The following CHCHD3 variants were observed in gnomAD, a reference collection of about 807,000 sequenced individuals.
CHCHD3 encodes MICOS complex subunit MIC19.
A neutral mutation model predicts 38.2 loss-of-function variants in CHCHD3; 20 were observed. That is an observed-to-expected ratio of 0.52 (90% CI 0.37 to 0.76). CHCHD3 has a LOEUF of 0.76. Ranked by LOEUF, CHCHD3 falls within the 30% of genes least tolerant of loss-of-function variation. CHCHD3 has a pLI of 0.00. For synonymous variants in CHCHD3, 82 were observed against 100.0 expected, an observed-to-expected ratio of 0.82 and a Z score of 1.07; for missense variants, 245 against 279.2, an observed-to-expected ratio of 0.88 and a Z score of 0.87.
chr7:132,909,862 A>G (rs1215380224), intron 4 of CHCHD3, among the ~76,000 whole-genome samples: 2 of 152,224 alleles, frequency 1.3e-5, no homozygotes, highest in African/African-American at 2.4e-5. Flanking sequence ...CAATTCATTC[A>G]GCAATGGTTA....
intron 4 of CHCHD3, among the ~76,000 whole-genome samples, chr7:132,965,453 G>GAA (rs112505425): frequency 1.5e-3 from 205 of 135,292 alleles, no homozygotes; most frequent in Middle Eastern, 7.4e-3. Flanking sequence ...TTAGTTAAAT[G>GAA]AAAAAAAAAA....
chr7:132,896,203 G>T (rs146347256), intron 4 of CHCHD3, among the ~76,000 whole-genome samples: 19 of 152,230 alleles, frequency 1.2e-4, no homozygotes, highest in African/African-American at 4.3e-4. Flanking sequence ...ATGTACAAAA[G>T]CTCGTTCTTT....
At chr7:132,983,963 G>T (rs1268147037) in intron 3 of CHCHD3, among the ~76,000 whole-genome samples, 1 of 101,138 alleles carries the variant, frequency 9.9e-6, no homozygotes, top group Non-Finnish European at 2.0e-5. Flanking sequence ...TCTCGGAAAG[G>T]CTCCTCCTCT....
chr7:132,831,910 T>C (rs1202645819), intron 6 of CHCHD3, among the ~76,000 whole-genome samples: 1 of 152,190 alleles, frequency 6.6e-6, no homozygotes, highest in African/African-American at 2.4e-5. Flanking sequence ...CTGTCCATGA[T>C]ACACATGTGT....
At chr7:133,039,820 G>A (rs1227036148) in intron 2 of CHCHD3, among the ~76,000 whole-genome samples, 1 of 152,180 alleles carries the variant, frequency 6.6e-6, no homozygotes, top group Non-Finnish European at 1.5e-5. Flanking sequence ...CTTGCAGTTA[G>A]GAATAGCCTA....
At chr7:133,074,376 A>G (rs1431979644) in intron 1 of CHCHD3, among the ~76,000 whole-genome samples, 2 of 152,218 alleles carry the variant, frequency 1.3e-5, no homozygotes, top group African/African-American at 4.8e-5. Context: ...CCCTTCTTGG[A>G]AGACAAGAAG....
intron 5 of CHCHD3, among the ~76,000 whole-genome samples, chr7:132,853,934 T>C (rs763492732): frequency 3.3e-5 from 5 of 152,174 alleles, no homozygotes; most frequent in African/African-American, 1.2e-4. Flanking sequence ...TCCTTGATAG[T>C]AGCATTTGAA....
At chr7:132,863,657 G>A (rs1414903713) in intron 5 of CHCHD3, among the ~76,000 whole-genome samples, 2 of 152,214 alleles carry the variant, frequency 1.3e-5, no homozygotes, top group Non-Finnish European at 2.9e-5. Flanking sequence ...TCTTCCGATA[G>A]AAGGCTGTTT....
chr7:132,995,298 A>T (rs1014700901), intron 3 of CHCHD3, among the ~76,000 whole-genome samples: 1 of 152,190 alleles, frequency 6.6e-6, no homozygotes, highest in African/African-American at 2.4e-5. Flanking sequence ...GAGTCTAGGA[A>T]TAAGTAAACA....
chr7:132,955,554 T>A (rs182513025), intron 4 of CHCHD3, among the ~76,000 whole-genome samples: 57 of 151,918 alleles, frequency 3.8e-4, no homozygotes, highest in Admixed American at 2.6e-3. Flanking sequence ...TTTTTTTTTT[T>A]AATGTGATTA....
chr7:133,008,856 T>C (rs1343743505), intron 3 of CHCHD3, among the ~76,000 whole-genome samples: 2 of 151,996 alleles, frequency 1.3e-5, no homozygotes, highest in Non-Finnish European at 2.9e-5. Context: ...CTCACTTTGT[T>C]CCCTGACTGG....
intron 7 of CHCHD3, among the ~76,000 whole-genome samples, chr7:132,792,768 T>C (rs1260822518): frequency 3.3e-5 from 5 of 152,252 alleles, no homozygotes; most frequent in Admixed American, 2.0e-4. Context: ...GAAGCTCAAG[T>C]CACTATAATT....
chr7:132,914,086 A>C (rs1269335184), intron 4 of CHCHD3, among the ~76,000 whole-genome samples: 1 of 147,820 alleles, frequency 6.8e-6, no homozygotes, highest in African/African-American at 2.5e-5. Context: ...CAGCCTCCCG[A>C]GTAGCTGGGA....
chr7:133,059,552 G>A (rs1018351047), intron 2 of CHCHD3, among the ~76,000 whole-genome samples: 3 of 152,116 alleles, frequency 2.0e-5, no homozygotes, highest in African/African-American at 7.2e-5. Context: ...TAGTAACTAG[G>A]AGGAGGACAT....
intron 4 of CHCHD3, among the ~76,000 whole-genome samples, chr7:132,930,367 C>T (rs777384385): frequency 6.6e-5 from 10 of 152,018 alleles, no homozygotes; most frequent in Non-Finnish European, 1.5e-4. Context: ...GTGGGTCTCA[C>T]CATGTTGGCC....
chr7:132,935,915 G>A (rs1458078675), intron 4 of CHCHD3, among the ~76,000 whole-genome samples: 1 of 152,190 alleles, frequency 6.6e-6, no homozygotes, highest in Non-Finnish European at 1.5e-5. Context: ...GAAGGCAGAA[G>A]AGCAAGTGAG....
At chr7:133,005,146 A>G (rs1812667576) in intron 3 of CHCHD3, among the ~76,000 whole-genome samples, 1 of 152,204 alleles carries the variant, frequency 6.6e-6, no homozygotes, top group South Asian at 2.1e-4. Context: ...TGCTCAGTTA[A>G]TAAGCAGAGA....
intron 1 of CHCHD3, among the ~76,000 whole-genome samples, chr7:133,071,378 G>A (rs1487513231): frequency 6.6e-6 from 1 of 152,228 alleles, no homozygotes; most frequent in African/African-American, 2.4e-5. Flanking sequence ...GAAAGAGAAG[G>A]TGGGGAGGGA....
At chr7:132,925,584 A>G (rs1810354372) in intron 4 of CHCHD3, among the ~76,000 whole-genome samples, 3 of 152,160 alleles carry the variant, frequency 2.0e-5, no homozygotes, top group Admixed American at 6.5e-5. Flanking sequence ...TAAGGTTTTT[A>G]TTTAGTTTCT....
Sources: gnomAD v4.1 joint callset for allele counts (sites outside exome capture counted in the v4.1 genomes callset) on GRCh38, gnomAD v4.1.1 for gene constraint, MANE v1.5 for transcripts, NCBI Gene and HGNC (gene_info 2026-07-23, HGNC 2026-07-21) for gene names.